Variants in ZMYM6 observed in about 807,000 individuals in gnomAD.
ZMYM6 encodes zinc finger MYM-type protein 6.
Under a neutral mutation model 134.0 loss-of-function variants are expected in ZMYM6, and 90 were observed. The observed-to-expected ratio is 0.67, with a 90% CI of 0.57 to 0.80. The LOEUF (loss-of-function observed/expected upper bound fraction) is 0.80, where lower values mean the gene tolerates loss of function less well. ZMYM6 is among the 30% of genes least tolerant of loss of function. ZMYM6 has a pLI of 0.00. For synonymous variants in ZMYM6, 481 were observed against 524.1 expected (o/e 0.92, Z 1.12); for missense variants, 1,362 against 1,533.9 (o/e 0.89, Z 1.87).
chr1:34,999,912 A>G (rs1211302534), intron 14 of ZMYM6, among the ~76,000 whole-genome samples: 1 of 152,106 alleles, frequency 6.6e-6, no homozygotes, highest in African/African-American at 2.4e-5. Context: ...AAGGATATTC[A>G]CTGTAGCGGA....
chr1:35,025,466 CA>C (rs1161814959), intron 2 of ZMYM6, among the ~76,000 whole-genome samples: 9,544 of 55,028 alleles, frequency 0.17, 401 homozygotes, highest in African/African-American at 0.37. Flanking sequence ...GACTCCATCC[CA>C]AAAAAAAAAA....
chr1:35,013,513 T>G (rs1199439140), intron 6 of ZMYM6: 12 of 985,304 alleles, frequency 1.2e-5, no homozygotes, highest in Non-Finnish European at 1.4e-5. Context: ...ACATGGATTC[T>G]TTTCCTGTGA....
chr1:34,995,380 G>T (rs1338459497), intron 14 of ZMYM6, among the ~76,000 whole-genome samples: 2 of 144,310 alleles, frequency 1.4e-5, no homozygotes, highest in African/African-American at 5.2e-5. Context: ...ATGTATATAG[G>T]GTTCTATATA....
intron 1 of ZMYM6, 164 bp downstream of exon 1, chr1:35,031,651 T>G (rs536579403): frequency 1.8e-4 from 27 of 152,236 alleles, no homozygotes; most frequent in African/African-American, 6.5e-4. Context: ...GGTCTCCGAC[T>G]GAGAGCGGTG....
At chr1:35,014,565 C>T in intron 6 of ZMYM6, 132 bp downstream of exon 6, 2 of 891,990 alleles carry the variant, frequency 2.2e-6, no homozygotes, top group Non-Finnish European at 3.3e-6. Flanking sequence ...GAATCTATCC[C>T]ATTTTCTGGA....
At chr1:35,010,384 T>C (rs1041928382) in intron 10 of ZMYM6, 63 bp downstream of exon 10, 5 of 1,544,296 alleles carry the variant, frequency 3.2e-6, no homozygotes, top group Middle Eastern at 1.7e-4. Flanking sequence ...CATGGCTTAA[T>C]TGCCCAAGTC....
rs1037035856 is a variant in ZMYM6, at chr1:34,988,384, G to C, written c.2698C>G (p.Gln900Glu). The C allele has an allele frequency of 9.0e-6, 14 of 1,551,460 alleles. No individual in the cohort carries two copies. Among genetic ancestry groups the C allele is most frequent in the African/African-American group, 5.5e-5 (4 of 73,038 alleles). ...LSADIEDQLI[Q>E]KVRESKWFAL... ...AACCACTTTGACTCTCTGACCTTTTGAATCAGCTGGTCTTCAATGTCTGCA... is the reference window on the plus strand; with the variant it reads ...AACCACTTTGACTCTCTGACCTTTTCAATCAGCTGGTCTTCAATGTCTGCA... Residue 900 changes from glutamine (Q) to glutamate (E), a missense_variant, in exon 16 of 16, where the codon CAA becomes GAA. Gln to Glu is a conservative substitution (Grantham distance 29). This residue lies in a region of ZMYM6 where 824 missense variants were observed against 940.9 expected (regional missense o/e 0.88). Coordinates refer to ENST00000357182, the MANE Select transcript of ZMYM6 (RefSeq NM_007167.4).
intron 3 of ZMYM6, 144 bp downstream of exon 3, chr1:35,020,239 C>G: frequency 1.7e-6 from 1 of 596,714 alleles, no homozygotes; most frequent in South Asian, 3.0e-5. Context: ...TTTTAAAACG[C>G]TGCTGAAAAC....
intron 2 of ZMYM6, among the ~76,000 whole-genome samples, chr1:35,024,790 C>T (rs956607020): frequency 1.3e-4 from 20 of 152,128 alleles, no homozygotes; most frequent in East Asian, 1.9e-4. Flanking sequence ...CCTCTCCTTC[C>T]CATATAGATT....
At chr1:35,011,180 T>C (rs757119305) in intron 8 of ZMYM6, 144 bp from the exon 9 acceptor site, 10 of 886,868 alleles carry the variant, frequency 1.1e-5, no homozygotes, top group Non-Finnish European at 1.7e-5. Flanking sequence ...TTAAATGGTA[T>C]ATTTCCAGAA....
intron 2 of ZMYM6, among the ~76,000 whole-genome samples, chr1:35,024,751 T>C (rs1044762419): frequency 7.2e-5 from 11 of 152,234 alleles, no homozygotes; most frequent in African/African-American, 2.7e-4. Context: ...ATTTTTATAA[T>C]ACAATTGCTA....
intron 2 of ZMYM6, among the ~76,000 whole-genome samples, chr1:35,024,853 T>C (rs1362707288): frequency 3.2e-4 from 48 of 152,030 alleles, no homozygotes. Context: ...TTAAAGCACT[T>C]ACCTAAGACT....
rs566007921 is a variant in ZMYM6, at chr1:35,030,146, C to T, written c.93+401G>A. 2.5e-5 allele frequency: 4 copies of T among 158,772 alleles called. No homozygotes were observed. In the South Asian group the frequency reaches 7.7e-4, roughly 31 times the overall value. 9.8% of individuals were successfully genotyped at this position (158,772 alleles called of 1,614,324 possible). A position where few individuals can be genotyped will look rare whatever the true frequency, so the allele number is the denominator to read the frequency against. ...TAGCTTTCATTCAAAGAGCAAAAAA[C>T]CAGCCAGGAATGGTGGCTCATGCCT... On this transcript the variant is annotated intron_variant, in intron 2 of 15. Coordinates refer to ENST00000357182, the MANE Select transcript of ZMYM6 (RefSeq NM_007167.4).
intron 14 of ZMYM6, among the ~76,000 whole-genome samples, chr1:35,001,811 G>A (rs868459660): frequency 6.6e-6 from 1 of 152,096 alleles, no homozygotes; most frequent in Non-Finnish European, 1.5e-5. Context: ...CAAATAATGA[G>A]AGAGTTACGA....
intron 14 of ZMYM6, among the ~76,000 whole-genome samples, chr1:35,001,583 ATACT>A (rs542816299): frequency 2.0e-5 from 3 of 152,178 alleles, no homozygotes; most frequent in South Asian, 2.1e-4. Flanking sequence ...ATACATGTTA[ATACT>A]TACTAATATA....
At position 34,988,484 on chromosome 1, in the gene ZMYM6, A is replaced by G; in HGVS notation, c.2598T>C (p.Gly866=). 1.3e-6 allele frequency: 2 copies of G among 1,550,978 alleles called. No homozygotes were observed. ...TTTTCATTTTGTCTCCAGCACTTGA[A>G]CCCAAAACTTCTGAACACATTTCTA... ...YLVEMCSEVL[G]SSAGDKMKTI... Residue 866 remains glycine (G), a synonymous_variant, in exon 16 of 16, where the codon GGT becomes GGC. Transcript: ENST00000357182.
At chr1:35,011,415 C>T (rs1014151145) in intron 8 of ZMYM6, among the ~76,000 whole-genome samples, 1 of 152,166 alleles carries the variant, frequency 6.6e-6, no homozygotes, top group Admixed American at 6.5e-5. Flanking sequence ...CTACATCAGG[C>T]ATGTTCCTAC....
At chr1:34,992,011 C>A in intron 15 of ZMYM6, 4 of 586,406 alleles carry the variant, frequency 6.8e-6, no homozygotes, top group Non-Finnish European at 5.9e-6. Context: ...ATGCTTTTAA[C>A]TAAAACTGTA....
intron 14 of ZMYM6, among the ~76,000 whole-genome samples, chr1:34,998,402 T>C (rs1640824312): frequency 6.6e-6 from 1 of 152,236 alleles, no homozygotes; most frequent in Admixed American, 6.5e-5. Context: ...TTTCAATATG[T>C]GGAAACTTGC....
Sources: gnomAD v4.1 joint callset for allele counts (sites outside exome capture counted in the v4.1 genomes callset) on GRCh38, gnomAD v4.1.1 for gene constraint, gnomAD v4.1.1 regional missense constraint, MANE v1.5 for transcripts, NCBI Gene and HGNC (gene_info 2026-07-23, HGNC 2026-07-21) for gene names.